The following CELSR2 variants were observed in gnomAD, a reference collection of about 807,000 sequenced individuals.
CELSR2 encodes cadherin EGF LAG seven-pass G-type receptor 2, also known as EGF-like protein 2.
A neutral mutation model predicts 251.6 loss-of-function variants in CELSR2; 81 were observed. The observed-to-expected ratio is 0.32, with a 90% confidence interval of 0.27 to 0.39. CELSR2 has a LOEUF of 0.39. Among genes scored for constraint, CELSR2 ranks in the 10% least tolerant of loss-of-function variants. The pLI is 1.00. For missense variants in CELSR2, 3,365 were observed against 3,947.7 expected, an observed-to-expected ratio of 0.85 and a Z score of 3.96; for synonymous variants, 1,721 against 1,670.5, an observed-to-expected ratio of 1.03 and a Z score of -0.74.
chr1:109,273,603 AACGGGGTCATGCCCATCGCC>A lies in CELSR2; in HGVS notation c.8679_8698del (p.Gly2894GlufsTer9). ...CCGGCAGAGCCTCCAGGAGCAGCTG[AACGGGGTCATGCCCATCGCC>A]ATGAGCATCAAGGCAGGCACGGTGG... On this transcript the variant is annotated frameshift_variant, in exon 33 of 34. Transcript: ENST00000271332. LOFTEE classifies it high-confidence loss of function. 6.5e-7 allele frequency: 1 copy of A among 1,549,470 alleles called. No individual in the cohort carries two copies. The highest frequency in any genetic ancestry group is 8.7e-7 in the Non-Finnish European group (1 of 1,146,222).
At chr1:109,268,857 T>C (rs200351292) in intron 18 of CELSR2, 23 bp from the exon 19 acceptor site, 24 of 1,593,392 alleles carry the variant, frequency 1.5e-5, no homozygotes, top group Non-Finnish European at 4.3e-6. Context: ...ACAGGTCCGA[T>C]CTGTGACCAT....
rs762071654 is a variant in CELSR2 at position 109,269,675 on chromosome 1, C to T, written c.6981-19C>T. On this transcript the variant is annotated intron_variant, in intron 21 of 33. Transcript: ENST00000271332. This position sits in a 1 kb window ranked among gnomAD's most constrained non-coding sequence, Gnocchi z 6.4. ...TGCCTCACCCTCCTTGTCTCCCTGA[C>T]CCTGCCTTCCTCACACAGGGTCAGT... is the stretch of plus-strand genomic sequence containing the variant. The T allele has an allele frequency of 6.2e-7, 1 of 1,614,118 alleles. No individual in the cohort carries two copies. The highest frequency in any genetic ancestry group is 8.5e-7 in the Non-Finnish European group (1 of 1,180,002).
At chr1:109,265,958 G>A in intron 14 of CELSR2, 40 bp downstream of exon 14, 2 of 1,595,842 alleles carry the variant, frequency 1.3e-6, no homozygotes, top group Non-Finnish European at 1.7e-6. Context: ...TCCTTACAGT[G>A]TGCTAGGCAC....
rs1196758794 is a variant in CELSR2 at position 109,249,877 on chromosome 1, CAG to C, written c.-202_-201del. ...GGGTGACCCGGGAGCGGGTCTGGCT[CAG>C]GGGGCAGTGGGAGCCCGGGCTCGTC... On this transcript the variant is annotated 5_prime_UTR_variant, in exon 1 of 34. Transcript: ENST00000271332. 7 of 331,228 alleles carry C rather than the reference CAG, an allele frequency of 2.1e-5. No homozygotes were observed. In the Admixed American group the frequency reaches 3.8e-4, roughly 18 times the overall value. 20.5% of individuals were successfully genotyped at this position (331,228 alleles called of 1,614,324 possible).
At position 109,267,971 on chromosome 1, in the gene CELSR2, G is replaced by C; in HGVS notation, c.6229G>C (p.Ala2077Pro). 1 of 1,611,372 alleles carries C rather than the reference G, an allele frequency of 6.2e-7. No individual in the cohort carries two copies. The highest frequency in any genetic ancestry group is 8.5e-7 in the Non-Finnish European group (1 of 1,179,774). ...CTACTTCGGCAGCGACGTCAAGGTG[G>C]CCTACCAGCTGGCCACGCGGCTGCT... ...AGYFGSDVKV[A>P]YQLATRLLAH... Residue 2077 changes from alanine to proline, a missense_variant, in exon 17 of 34, where the codon GCC becomes CCC. Ala to Pro is a conservative substitution (Grantham distance 27). This residue lies in a region of CELSR2 where 2,093 missense variants were observed against 2,382.8 expected (regional missense o/e 0.88). Transcript: ENST00000271332.
At position 109,269,504 on chromosome 1, in the gene CELSR2, T is replaced by C; in HGVS notation, c.6893T>C (p.Leu2298Pro). Residue 2298 changes from leucine (L) to proline (P), a missense_variant, in exon 21 of 34, where the codon CTG becomes CCG. Leu to Pro is a moderately conservative substitution (Grantham distance 98). This residue lies in a region of CELSR2 where 2,093 missense variants were observed against 2,382.8 expected (regional missense o/e 0.88). Coordinates refer to ENST00000271332, the MANE Select transcript of CELSR2 (RefSeq NM_001408.3). This position sits in a 1 kb window ranked among gnomAD's most constrained non-coding sequence, Gnocchi z 6.4. The part of the protein sequence containing the change: ...HDDEELLPRA[L>P]DKPVTVQFRL... The stretch of plus-strand genomic sequence containing the variant: ...GATGAGGAGCTTCTGCCCCGGGCCC[T>C]GGACAAACCCGTCACGGTGCAGTTC... The C allele has an allele frequency of 6.2e-7, 1 of 1,614,070 alleles. No homozygotes were observed. Among genetic ancestry groups the C allele is most frequent in the South Asian group, 1.1e-5 (1 of 91,076 alleles).
At chr1:109,266,645 T>G (rs978237847) in intron 15 of CELSR2, among the ~76,000 whole-genome samples, 36 of 138,880 alleles carry the variant, frequency 2.6e-4, no homozygotes, top group Non-Finnish European at 4.7e-4. Flanking sequence ...ACTCCTGACC[T>G]CATGATCCGC....
intron 28 of CELSR2, among the ~76,000 whole-genome samples, 198 bp from the exon 29 acceptor site, chr1:109,272,080 C>T (rs555694634): frequency 3.9e-5 from 6 of 152,232 alleles, no homozygotes; most frequent in Non-Finnish European, 7.4e-5. Context: ...TGGGGGCATG[C>T]AGGGGTAGCA....
At chr1:109,259,613 C>G (rs1214100540) in intron 2 of CELSR2, among the ~76,000 whole-genome samples, 3 of 152,274 alleles carry the variant, frequency 2.0e-5, no homozygotes, top group East Asian at 1.9e-4. Flanking sequence ...GGTCTCTCCC[C>G]CACTGAGCGA....
At chr1:109,259,741 T>TAATG (rs1448775180) in intron 2 of CELSR2, among the ~76,000 whole-genome samples, 1 of 152,162 alleles carries the variant, frequency 6.6e-6, no homozygotes, top group Non-Finnish European at 1.5e-5. Context: ...AGAAAACCAT[T>TAATG]GCACCTGTAT....
rs780226633 is a variant in CELSR2, at chr1:109,269,815, C to T, written c.7102C>T (p.Arg2368Trp). 13 of 1,612,496 alleles carry T rather than the reference C, an allele frequency of 8.1e-6. No individual in the cohort carries two copies. The highest frequency in any genetic ancestry group is 1.1e-5 in the South Asian group (1 of 91,076). Residue 2368 changes from arginine (R) to tryptophan (W), a missense_variant, in exon 22 of 34, where the codon CGG (arginine) becomes TGG (tryptophan). Arg to Trp is a moderately radical substitution (Grantham distance 101). Coordinates refer to ENST00000271332, the MANE Select transcript of CELSR2 (RefSeq NM_001408.3). This position sits in a 1 kb window ranked among gnomAD's most constrained non-coding sequence, Gnocchi z 6.4. The part of the protein sequence containing the change: ...SFAVLMDVSR[R>W]ENGEILPLKT... ...CGCTGTGCTCATGGACGTTTCTCGG[C>T]GGGAGGTCGGGCCCACAGGGGCAGC...
At position 109,275,600 on chromosome 1, in the gene CELSR2, CTTGAT is replaced by C. The variant is rs200903111; in HGVS notation, c.*1554_*1558del. The C allele has an allele frequency of 0.043, 6,623 of 152,272 alleles. 200 individuals carry two copies. The highest frequency in any genetic ancestry group is 0.092 in the Middle Eastern group (27 of 294). 9.4% of individuals were successfully genotyped at this position (152,272 alleles called of 1,614,324 possible). On this transcript the variant is annotated 3_prime_UTR_variant, in exon 34 of 34. Coordinates refer to ENST00000271332, the MANE Select transcript of CELSR2 (RefSeq NM_001408.3). ...TTTAACTGGTTTTTACTACTGATGA[CTTGAT>C]TTAAAAAAAATACAAAGATGCTGGA...
At position 109,252,923 on chromosome 1, in the gene CELSR2, C is replaced by G. The variant is rs761685003; in HGVS notation, c.2844C>G (p.Pro948=). ...TGGCCCGGGTCACAGCCACTGACCC[C>G]GATGAAGGCACCAATGCCCAGATTA... is the stretch of plus-strand genomic sequence containing the variant. ...LAVARVTATD[P]DEGTNAQIMY... is the part of the protein sequence containing the mutation. Residue 948 remains proline (P), a synonymous_variant, in exon 1 of 34, where the codon CCC becomes CCG. Transcript: ENST00000271332. This position sits in a 1 kb window ranked among gnomAD's most constrained non-coding sequence, Gnocchi z 4.8. 5.1e-5 allele frequency: 83 copies of G among 1,612,328 alleles called. No homozygotes were observed. The highest frequency in any genetic ancestry group is 6.7e-5 in the Non-Finnish European group (79 of 1,179,142).
In CELSR2 at chr1:109,273,957, C is replaced by T; in HGVS notation, c.8745-65C>T. On this transcript the variant is annotated intron_variant, in intron 33 of 33. Transcript: ENST00000271332. ...CCTTCGTCTGGTGAAAGCTTTCACT[C>T]TCTCCTCTGTTTCAACTAACCCTCT... 16 of 1,585,806 alleles carry T rather than the reference C, an allele frequency of 1.0e-5. 1 individual carries two copies. Among genetic ancestry groups the T allele is most frequent in the Middle Eastern group, 3.3e-4 (2 of 6,024 alleles).
intron 26 of CELSR2, 28 bp from the exon 27 acceptor site, chr1:109,271,358 C>A: frequency 1.2e-6 from 2 of 1,613,402 alleles, no homozygotes; most frequent in South Asian, 2.2e-5. Context: ...GTCTCATGGC[C>A]GGACTCATGG....
Position 109,264,901 on chromosome 1 carries a change from A to T in CELSR2, c.5498A>T (p.Asp1833Val), listed in dbSNP as rs375277210. ...GGTGACAACTGTACTAATGTGTGTG[A>T]CCTGAACCCGTGTGAGCACCAGTCT... is the stretch of plus-strand genomic sequence containing the variant. ...YYGDNCTNVCDLNPCEHQSVC... is the reference protein window; with the variant it reads ...YYGDNCTNVCVLNPCEHQSVC... Residue 1833 changes from aspartate to valine, a missense_variant, in exon 12 of 34, where the codon GAC (aspartate) becomes GTC (valine). Transcript: ENST00000271332. 45 of 1,613,970 alleles carry T rather than the reference A, an allele frequency of 2.8e-5. No individual in the cohort carries two copies. The highest frequency in any genetic ancestry group is 3.6e-5 in the Non-Finnish European group (43 of 1,180,016).
At chr1:109,264,749 C>T in intron 11 of CELSR2, 119 bp from the exon 12 acceptor site, 1 of 1,583,082 alleles carries the variant, frequency 6.3e-7, no homozygotes. Flanking sequence ...GTTGCCTACA[C>T]AACAAAGCCA....
chr1:109,259,421 T>C (rs1655959564), intron 2 of CELSR2, among the ~76,000 whole-genome samples: 2 of 152,186 alleles, frequency 1.3e-5, no homozygotes, highest in Non-Finnish European at 2.9e-5. Flanking sequence ...TTATTTGAAA[T>C]GGAGATAATG....
At chr1:109,271,337 C>T (rs1246429237) in intron 26 of CELSR2, 41 bp downstream of exon 26, 1 of 1,613,684 alleles carries the variant, frequency 6.2e-7, no homozygotes, top group African/African-American at 1.3e-5. Flanking sequence ...GGGCAGGCAC[C>T]AGCATGGGAG....
Sources: allele counts gnomAD v4.1 joint callset (sites outside exome capture counted in the v4.1 genomes callset), GRCh38; gene constraint gnomAD v4.1.1; regional missense constraint gnomAD v4.1.1; non-coding constraint Gnocchi (gnomAD v3.1); transcripts MANE v1.5; gene names NCBI Gene and HGNC (gene_info 2026-07-23, HGNC 2026-07-21).